Variants in BACH2 observed in about 807,000 individuals in gnomAD.
BACH2 encodes BACH transcriptional regulator 2.
Under a neutral mutation model 61.8 loss-of-function variants are expected in BACH2, and 5 were observed. The ratio of observed to expected loss-of-function variants is 0.08; its 90% confidence interval spans 0.04 to 0.17. The LOEUF is 0.17. BACH2 is among the 10% of genes least tolerant of loss of function. The pLI, the probability that BACH2 is intolerant of heterozygous loss-of-function variation, is 1.00. For missense variants in BACH2, 824 were observed against 1,091.1 expected, an observed-to-expected ratio of 0.76 and a Z score of 3.45; for synonymous variants, 446 against 440.1, an observed-to-expected ratio of 1.01 and a Z score of -0.17.
intron 1 of BACH2, among the ~76,000 whole-genome samples, 167 bp downstream of exon 1, chr6:90,296,313 A>G (rs1772384847): frequency 6.6e-6 from 1 of 151,038 alleles, no homozygotes; most frequent in Middle Eastern, 3.5e-3. Flanking sequence ...AATGCCATAA[A>G]AGCGGGCAGG....
intron 4 of BACH2, among the ~76,000 whole-genome samples, chr6:90,190,671 T>G (rs1029568564): frequency 6.6e-6 from 1 of 152,230 alleles, no homozygotes; most frequent in Non-Finnish European, 1.5e-5. Flanking sequence ...GCCCACTGAT[T>G]TCTTTGTAAG....
chr6:90,052,156 ATTTG>A (rs1423955841), intron 5 of BACH2, among the ~76,000 whole-genome samples: 2 of 152,148 alleles, frequency 1.3e-5, no homozygotes, highest in Non-Finnish European at 2.9e-5. Context: ...CATATATTCT[ATTTG>A]TTTGATGCAA....
chr6:90,109,831 C>T (rs567863502), intron 4 of BACH2, among the ~76,000 whole-genome samples: 1 of 152,194 alleles, frequency 6.6e-6, no homozygotes, highest in South Asian at 2.1e-4. Flanking sequence ...TCTGAGGACT[C>T]CTTTACAACC....
chr6:90,286,003 C>T (rs761640262), intron 1 of BACH2, among the ~76,000 whole-genome samples: 1 of 152,180 alleles, frequency 6.6e-6, no homozygotes, highest in Non-Finnish European at 1.5e-5. Flanking sequence ...TATGCCACTG[C>T]TCAAAAAGAA....
At chr6:89,974,650 T>C (rs1263498777) in intron 6 of BACH2, among the ~76,000 whole-genome samples, 7 of 152,164 alleles carry the variant, frequency 4.6e-5, no homozygotes, top group Admixed American at 3.3e-4. Flanking sequence ...AAAATTACTG[T>C]CCCATTAGCA....
intron 6 of BACH2, among the ~76,000 whole-genome samples, chr6:89,988,817 A>G (rs1439121921): frequency 6.6e-6 from 1 of 152,222 alleles, no homozygotes; most frequent in Non-Finnish European, 1.5e-5. Flanking sequence ...AGTTCATGCA[A>G]TGATGGGACT....
intron 6 of BACH2, among the ~76,000 whole-genome samples, chr6:89,992,314 T>C (rs1776621055): frequency 6.6e-6 from 1 of 152,222 alleles, no homozygotes; most frequent in African/African-American, 2.4e-5. Flanking sequence ...CCTCTGCAAC[T>C]TGTTTTTCTG....
chr6:90,041,864 A>G (rs1038424697), intron 5 of BACH2, among the ~76,000 whole-genome samples: 12 of 151,980 alleles, frequency 7.9e-5, no homozygotes, highest in Admixed American at 7.9e-4. Flanking sequence ...TGAATTCAGG[A>G]TTTTTTGATA....
chr6:90,041,725 T>A (rs1426792433), intron 5 of BACH2, among the ~76,000 whole-genome samples: 1 of 152,190 alleles, frequency 6.6e-6, no homozygotes, highest in East Asian at 1.9e-4. Flanking sequence ...TCCTTTGTAA[T>A]CTTTTATTTA....
intron 4 of BACH2, among the ~76,000 whole-genome samples, chr6:90,206,359 A>C (rs1473389054): frequency 6.6e-6 from 1 of 152,158 alleles, no homozygotes; most frequent in Non-Finnish European, 1.5e-5. Flanking sequence ...GGCCCCTGGC[A>C]AGTATAAATG....
rs564184433 is a variant in BACH2 at position 90,253,889 on chromosome 6, C to T, written c.-352-1299G>A. ...TAGTCATAAATGAAAACATCATTGC[C>T]GAACTATTTTTTTTAAACTATCATG... is the stretch of plus-strand genomic sequence containing the variant. On this transcript the variant is annotated intron_variant, in intron 2 of 8. Coordinates refer to ENST00000257749, the MANE Select transcript of BACH2 (RefSeq NM_021813.4). Among the ~76,000 whole-genome samples, 15 of 141,070 alleles carry T rather than the reference C, an allele frequency of 1.1e-4. 1 individual carries two copies. The highest frequency in any genetic ancestry group is 4.5e-4 in the South Asian group (2 of 4,410). The allele number at this position is 141,070 out of a possible 152,430, so 92.5% of individuals were successfully genotyped here.
chr6:90,264,213 A>G lies in BACH2; in HGVS notation c.-353+7636T>C, dbSNP rs559211480. The stretch of plus-strand genomic sequence containing the variant: ...TTTTGTCCTCTGTCTGAAGTTTTCA[A>G]TTAAGACTTACTTTATAACAGGATT... On this transcript the variant is annotated intron_variant, in intron 2 of 8. Transcript: ENST00000257749. 4.6e-5 allele frequency among the ~76,000 whole-genome samples: 7 copies of G among 152,236 alleles called. No homozygotes were observed. In the South Asian group the frequency reaches 1.2e-3, roughly 27 times the overall value.
chr6:89,958,802 A>G (rs1272435332), intron 6 of BACH2, among the ~76,000 whole-genome samples: 1 of 151,738 alleles, frequency 6.6e-6, no homozygotes, highest in East Asian at 1.9e-4. Flanking sequence ...GGCATGTCTC[A>G]CTCCCTCATC....
chr6:90,153,827 A>AT (rs1363320759), intron 4 of BACH2, among the ~76,000 whole-genome samples: 1 of 152,172 alleles, frequency 6.6e-6, no homozygotes, highest in African/African-American at 2.4e-5. Context: ...AGTGGGGTAC[A>AT]TTTTCCTCCT....
chr6:90,181,541 T>G (rs908663166), intron 4 of BACH2, among the ~76,000 whole-genome samples: 12 of 152,118 alleles, frequency 7.9e-5, no homozygotes, highest in African/African-American at 2.9e-4. Context: ...TCATTTGTAT[T>G]GTACAGCTAT....
chr6:90,242,208 G>A (rs1770478613), intron 3 of BACH2, among the ~76,000 whole-genome samples: 1 of 152,116 alleles, frequency 6.6e-6, no homozygotes, highest in South Asian at 2.1e-4. Flanking sequence ...ACAGAATAGT[G>A]TCACAGCCCT....
chr6:90,128,875 T>C (rs1470468209), intron 4 of BACH2, among the ~76,000 whole-genome samples: 1 of 152,156 alleles, frequency 6.6e-6, no homozygotes, highest in African/African-American at 2.4e-5. Context: ...TGGAATACTA[T>C]GCAGCCATAA....
At chr6:89,989,165 T>C (rs1043557575) in intron 6 of BACH2, among the ~76,000 whole-genome samples, 2 of 152,196 alleles carry the variant, frequency 1.3e-5, no homozygotes, top group Admixed American at 6.5e-5. Context: ...TCATACTCTT[T>C]TCACAAATAT....
chr6:90,232,297 G>C (rs755676188), intron 3 of BACH2, among the ~76,000 whole-genome samples: 2 of 152,120 alleles, frequency 1.3e-5, no homozygotes, highest in Non-Finnish European at 2.9e-5. Context: ...CTGCAGGCAG[G>C]CTCAACCCAA....
Sources: gnomAD v4.1 joint callset for allele counts (sites outside exome capture counted in the v4.1 genomes callset) on GRCh38, gnomAD v4.1.1 for gene constraint, MANE v1.5 for transcripts, NCBI Gene and HGNC (gene_info 2026-07-23, HGNC 2026-07-21) for gene names.